Variants in LMAN1 observed in about 807,000 individuals in gnomAD.
The protein encoded by LMAN1 is protein ERGIC-53.
Under a neutral mutation model 67.8 loss-of-function variants are expected in LMAN1, and 32 were observed. That is an observed-to-expected ratio of 0.47 (90% CI 0.36 to 0.63). The LOEUF (loss-of-function observed/expected upper bound fraction) is 0.63. Among genes scored for constraint, LMAN1 ranks in the 30% least tolerant of loss-of-function variants. LMAN1 has a pLI of 0.00. For synonymous variants in LMAN1, 235 were observed against 219.3 expected, an observed-to-expected ratio of 1.07 and a Z score of -0.63; for missense variants, 632 against 628.2, an observed-to-expected ratio of 1.01 and a Z score of -0.06.
chr18:59,340,241 T>C (rs1432925456), intron 8 of LMAN1, among the ~76,000 whole-genome samples: 1 of 152,134 alleles, frequency 6.6e-6, no homozygotes, highest in Non-Finnish European at 1.5e-5. Flanking sequence ...TGATGAGAGC[T>C]TCCCAAGTCT....
At position 59,357,860 on chromosome 18, in the gene LMAN1, C is replaced by T. The variant is rs578041374; in HGVS notation, c.214+1171G>A. ...GGGAGGGATAGCATTAGGAGATATA[C>T]CTAATGTTAAATGACTAGTTAATGG... On this transcript the variant is annotated intron_variant, in intron 1 of 12. Coordinates refer to ENST00000251047, the MANE Select transcript of LMAN1 (RefSeq NM_005570.4). Among the ~76,000 whole-genome samples, 65 of 150,440 alleles carry T rather than the reference C, an allele frequency of 4.3e-4. No individual in the cohort carries two copies. The South Asian group carries it at 0.013, about 30-fold the overall frequency.
At chr18:59,339,495 T>C (rs1053052976) in intron 8 of LMAN1, among the ~76,000 whole-genome samples, 3 of 152,150 alleles carry the variant, frequency 2.0e-5, no homozygotes, top group Non-Finnish European at 2.9e-5. Flanking sequence ...TTTATGATCC[T>C]GGCTACAGGA....
intron 11 of LMAN1, among the ~76,000 whole-genome samples, chr18:59,332,573 T>C (rs1376756056): frequency 2.0e-5 from 3 of 152,104 alleles, no homozygotes; most frequent in African/African-American, 7.2e-5. Context: ...AAACGCGATA[T>C]AAAATATAAG....
chr18:59,333,032 G>A lies in LMAN1; in HGVS notation c.1374+59C>T, dbSNP rs557416011. Reference sequence around the variant, plus strand: ...AAAGGGTTAAAATACTTGCAGTAGAGTATGAGTTCTTCCTTTCCTAAAGAT... The same window carrying A: ...AAAGGGTTAAAATACTTGCAGTAGAATATGAGTTCTTCCTTTCCTAAAGAT... On this transcript the variant is annotated intron_variant, in intron 11 of 12. Coordinates refer to ENST00000251047, the MANE Select transcript of LMAN1 (RefSeq NM_005570.4). 4.1e-5 allele frequency: 56 copies of A among 1,371,254 alleles called. No individual in the cohort carries two copies. In the South Asian group the frequency reaches 6.0e-4, roughly 15 times the overall value. The allele number at this position is 1,371,254 out of a possible 1,614,324, so 84.9% of individuals were successfully genotyped here. A position where few individuals can be genotyped will look rare whatever the true frequency, so the allele number is the denominator to read the frequency against.
At chr18:59,334,508 T>C (rs1908099161) in intron 10 of LMAN1, among the ~76,000 whole-genome samples, 1 of 152,142 alleles carries the variant, frequency 6.6e-6, no homozygotes, top group South Asian at 2.1e-4. Flanking sequence ...AAGGAGGTCA[T>C]AGTTGGTTTA....
chr18:59,352,918 TCTAC>T (rs1186438071), intron 5 of LMAN1: 1 of 362,942 alleles, frequency 2.8e-6, no homozygotes, highest in South Asian at 2.3e-5. Flanking sequence ...TATCTATCTA[TCTAC>T]CTATCTATCT....
intron 8 of LMAN1, among the ~76,000 whole-genome samples, chr18:59,341,383 A>G (rs747252594): frequency 3.6e-4 from 55 of 152,272 alleles, no homozygotes; most frequent in Non-Finnish European, 7.5e-4. Context: ...ACTTTCTACA[A>G]TAACTATGGA....
rs148481935 is a variant in LMAN1 at position 59,355,541 on chromosome 18, C to T, written c.332G>A (p.Arg111Gln). ...FENWEVEVTFRVTGRGRIGAD... is the reference protein window; with the variant it reads ...FENWEVEVTFQVTGRGRIGAD... The stretch of plus-strand genomic sequence containing the variant: ...TCCAATTCGACCTCTTCCAGTCACT[C>T]GAAATGTCACCTCAACTTCCCAGTT... Residue 111 changes from arginine (R) to glutamine (Q), a missense_variant, in exon 2 of 13, where the codon CGA becomes CAA. By Grantham distance (43) the Arg-to-Gln change is conservative. Transcript: ENST00000251047. 5.1e-5 allele frequency: 82 copies of T among 1,613,974 alleles called. No individual in the cohort carries two copies. Among genetic ancestry groups the T allele is most frequent in the Non-Finnish European group, 6.7e-5 (79 of 1,179,968 alleles).
chr18:59,333,343 A>G, intron 10 of LMAN1, 99 bp from the exon 11 acceptor site: 1 of 859,966 alleles, frequency 1.2e-6, no homozygotes, highest in Non-Finnish European at 1.8e-6. Flanking sequence ...CTAATATATT[A>G]CATCATTTAA....
intron 5 of LMAN1, among the ~76,000 whole-genome samples, chr18:59,350,754 T>C (rs1335560586): frequency 1.3e-5 from 2 of 152,036 alleles, no homozygotes; most frequent in Admixed American, 1.3e-4. Context: ...CTCGGCCTCC[T>C]AAAGTGCTAG....
intron 8 of LMAN1, among the ~76,000 whole-genome samples, chr18:59,344,186 T>C (rs1163451734): frequency 6.6e-6 from 1 of 152,150 alleles, no homozygotes; most frequent in Non-Finnish European, 1.5e-5. Flanking sequence ...TTATATGCTG[T>C]TGGTGGGAAT....
At chr18:59,333,464 C>A in intron 10 of LMAN1, 1 of 493,686 alleles carries the variant, frequency 2.0e-6, no homozygotes. Flanking sequence ...TCTAAAAATA[C>A]CATGTAGAAA....
intron 10 of LMAN1, chr18:59,333,635 C>T (rs888729435): frequency 5.0e-6 from 1 of 199,368 alleles, no homozygotes; most frequent in African/African-American, 2.4e-5. Flanking sequence ...CACTCACACA[C>T]ACACAGACTT....
intron 11 of LMAN1, 27 bp downstream of exon 11, chr18:59,333,064 T>A: frequency 1.9e-6 from 3 of 1,582,896 alleles, no homozygotes; most frequent in Non-Finnish European, 2.6e-6. Context: ...AGATTATAAT[T>A]ATAAAAGGAA....
intron 10 of LMAN1, 159 bp from the exon 11 acceptor site, chr18:59,333,403 G>A: frequency 5.0e-6 from 3 of 596,532 alleles, no homozygotes; most frequent in Non-Finnish European, 5.7e-6. Flanking sequence ...GTTCAAAATT[G>A]GAAAATAATT....
intron 10 of LMAN1, among the ~76,000 whole-genome samples, chr18:59,335,171 C>A (rs1190105685): frequency 2.0e-5 from 3 of 152,094 alleles, no homozygotes; most frequent in Non-Finnish European, 4.4e-5. Context: ...CAGTGGCTAA[C>A]ACCTGTAATC....
intron 8 of LMAN1, among the ~76,000 whole-genome samples, chr18:59,341,958 G>A (rs574429223): frequency 1.3e-5 from 2 of 152,110 alleles, no homozygotes; most frequent in Admixed American, 6.5e-5. Flanking sequence ...GAAAAGAAGA[G>A]AGACGATCCA....
chr18:59,332,367 T>G (rs1032018928), intron 11 of LMAN1, among the ~76,000 whole-genome samples: 1 of 152,100 alleles, frequency 6.6e-6, no homozygotes, highest in Admixed American at 6.6e-5. Flanking sequence ...TCAAGGCATA[T>G]ATACAGGAAT....
intron 1 of LMAN1, among the ~76,000 whole-genome samples, chr18:59,358,383 G>A (rs1362106376): frequency 2.6e-5 from 4 of 152,120 alleles, no homozygotes; most frequent in African/African-American, 9.7e-5. Context: ...GTTACTACGA[G>A]AGAAAAGATC....
Sources: gnomAD v4.1 joint callset for allele counts (sites outside exome capture counted in the v4.1 genomes callset) on GRCh38, gnomAD v4.1.1 for gene constraint, MANE v1.5 for transcripts, NCBI Gene and HGNC (gene_info 2026-07-23, HGNC 2026-07-21) for gene names.